The following KATNAL2 variants were observed in gnomAD, a reference collection of about 807,000 sequenced individuals.
KATNAL2 encodes the protein katanin catalytic subunit A1 like 2, also known as katanin p60 ATPase-containing subunit A-like 2.
In KATNAL2, 52 loss-of-function variants were observed where a neutral mutation model predicts 76.3. That is an observed-to-expected ratio of 0.68 (90% CI 0.55 to 0.86). KATNAL2 has a LOEUF of 0.86. KATNAL2 is among the 40% of genes least tolerant of loss of function. KATNAL2 has a pLI of 0.00. For missense variants in KATNAL2, 660 were observed against 668.9 expected, an observed-to-expected ratio of 0.99 and a Z score of 0.15; for synonymous variants, 243 against 244.2, an observed-to-expected ratio of 1.00 and a Z score of 0.05.
At chr18:46,934,173 T>C (rs1048378346) in intron 1 of KATNAL2, among the ~76,000 whole-genome samples, 17 of 152,174 alleles carry the variant, frequency 1.1e-4, no homozygotes, top group African/African-American at 1.7e-4. Flanking sequence ...AGTAATGGGA[T>C]GGCTGGGTCA....
chr18:47,049,789 A>T (rs1324803060), intron 4 of KATNAL2, among the ~76,000 whole-genome samples: 1 of 152,174 alleles, frequency 6.6e-6, no homozygotes, highest in Non-Finnish European at 1.5e-5. Context: ...ATCATGGCTC[A>T]CTGCAGCCTC....
At chr18:46,919,943 G>T in intron 1 of KATNAL2, 3 of 596,156 alleles carry the variant, frequency 5.0e-6, no homozygotes, top group Non-Finnish European at 8.3e-6. Context: ...AGTTTTCGGG[G>T]AATAGACGAA....
At chr18:47,039,106 T>G (rs1025906677) in intron 3 of KATNAL2, among the ~76,000 whole-genome samples, 2 of 152,216 alleles carry the variant, frequency 1.3e-5, no homozygotes, top group African/African-American at 4.8e-5. Flanking sequence ...AAATATTGCA[T>G]ATAATGATTT....
chr18:47,054,458 T>C lies in KATNAL2; in HGVS notation c.332+20T>C. The C allele has an allele frequency of 6.2e-7, 1 of 1,611,236 alleles. No homozygotes were observed. Among genetic ancestry groups the C allele is most frequent in the Non-Finnish European group, 8.5e-7 (1 of 1,177,430 alleles). Reference sequence around the variant, plus strand: ...CAGAAGGTAAAGTGAATGGTAATTCTTCTTAATCGACTCGGCTCGAGGAGC... The same window carrying C: ...CAGAAGGTAAAGTGAATGGTAATTCCTCTTAATCGACTCGGCTCGAGGAGC... On this transcript the variant is annotated intron_variant, in intron 6 of 17. Coordinates refer to ENST00000683218, the MANE Select transcript of KATNAL2 (RefSeq NM_001387690.1).
In KATNAL2 at chr18:46,946,040, CTT is replaced by C. The variant is rs879867108; in HGVS notation, c.-509-6_-509-5del. On this transcript the variant is annotated splice_polypyrimidine_tract_variant and intron_variant, in intron 1 of 17. Transcript: ENST00000683218. ...TGATTCAGTTCAACACTTACGAGAA[CTT>C]TTTTTTTTTTGTAGATTGAGGAAAC... The C allele has an allele frequency of 3.5e-4, 80 of 230,080 alleles. No homozygotes were observed. Among genetic ancestry groups the C allele is most frequent in the Non-Finnish European group, 5.2e-4 (74 of 143,160 alleles). The allele number at this position is 230,080 out of a possible 1,614,324, so 14.3% of individuals were successfully genotyped here. A position where few individuals can be genotyped will look rare whatever the true frequency, so the allele number is the denominator to read the frequency against.
intron 15 of KATNAL2, among the ~76,000 whole-genome samples, chr18:47,097,117 T>TG (rs1191497421): frequency 1.4e-3 from 120 of 88,436 alleles, no homozygotes; most frequent in South Asian, 4.2e-3. Flanking sequence ...AGACCCTGGC[T>TG]CAAAAAAAAA....
At chr18:46,949,486 A>T (rs2059485701) in intron 3 of KATNAL2, among the ~76,000 whole-genome samples, 1 of 152,186 alleles carries the variant, frequency 6.6e-6, no homozygotes, top group Admixed American at 6.5e-5. Context: ...GGCTCAAGTG[A>T]TCAGCCTGCC....
At chr18:47,042,210 T>A (rs1331160767) in intron 3 of KATNAL2, among the ~76,000 whole-genome samples, 1 of 152,230 alleles carries the variant, frequency 6.6e-6, no homozygotes, top group East Asian at 1.9e-4. Context: ...AATCTCTTTT[T>A]CTTTTGAACT....
chr18:46,922,974 A>C (rs901748890), intron 1 of KATNAL2, among the ~76,000 whole-genome samples: 1 of 148,560 alleles, frequency 6.7e-6, no homozygotes, highest in African/African-American at 2.4e-5. Context: ...GATCTGAAGT[A>C]AACACTTCAG....
chr18:46,947,124 C>T (rs1599405777), intron 3 of KATNAL2, among the ~76,000 whole-genome samples: 1 of 152,138 alleles, frequency 6.6e-6, no homozygotes, highest in East Asian at 1.9e-4. Flanking sequence ...AAATGAGACA[C>T]AGGCGGGTTT....
At chr18:47,080,106 C>T (rs1049320064) in intron 15 of KATNAL2, among the ~76,000 whole-genome samples, 3 of 152,180 alleles carry the variant, frequency 2.0e-5, no homozygotes, top group Admixed American at 2.0e-4. Context: ...TTCCCTCTTC[C>T]AGTAAGGTTA....
chr18:47,094,362 G>C lies in KATNAL2; in HGVS notation c.1212-4881G>C, dbSNP rs115642621. On this transcript the variant is annotated intron_variant, in intron 15 of 17. Transcript: ENST00000683218. ...CAAAATGGACTAAGACACTCTTCTT[G>C]TTTCATGGCAATATTTTCTTACATC... Among the ~76,000 whole-genome samples the C allele has an allele frequency of 6.8e-3, 1,035 of 152,238 alleles. 10 individuals carry two copies. Among genetic ancestry groups the C allele is most frequent in the East Asian group, 0.026 (133 of 5,186 alleles).
intron 1 of KATNAL2, among the ~76,000 whole-genome samples, chr18:46,922,791 C>G (rs1055985959): frequency 2.0e-5 from 3 of 151,278 alleles, no homozygotes; most frequent in Admixed American, 2.0e-4. Flanking sequence ...AAGTGAAACT[C>G]CATCTCAAAA....
intron 15 of KATNAL2, among the ~76,000 whole-genome samples, chr18:47,080,308 T>G (rs2062446832): frequency 6.6e-6 from 1 of 152,170 alleles, no homozygotes; most frequent in South Asian, 2.1e-4. Context: ...CCCCTAAAAT[T>G]TTATTGAGAT....
rs2059664264 is a variant in KATNAL2, at chr18:46,954,466, G to T, written c.51+7543G>T. Among the ~76,000 whole-genome samples, 2 of 151,386 alleles carry T rather than the reference G, an allele frequency of 1.3e-5. 1 individual carries two copies. The highest frequency in any genetic ancestry group is 4.9e-5 in the African/African-American group (2 of 41,156). ...CTGTCTCAGTCTCCTGAGTAGCTGG[G>T]ACTACAGGTGTGTGCCACCATGCCA... On this transcript the variant is annotated intron_variant, in intron 3 of 17. Coordinates refer to ENST00000683218, the MANE Select transcript of KATNAL2 (RefSeq NM_001387690.1).
intron 15 of KATNAL2, chr18:47,098,989 A>T: frequency 5.8e-6 from 2 of 344,190 alleles, no homozygotes; most frequent in Non-Finnish European, 1.1e-5. Flanking sequence ...TCTTCCATTC[A>T]TCCTTCCTTC....
intron 3 of KATNAL2, among the ~76,000 whole-genome samples, chr18:46,955,635 C>A (rs569990125): frequency 6.6e-6 from 1 of 152,146 alleles, no homozygotes; most frequent in South Asian, 2.1e-4. Flanking sequence ...TCAAGGCTCA[C>A]TGCAGCCTTG....
intron 3 of KATNAL2, among the ~76,000 whole-genome samples, chr18:47,035,814 A>G (rs2060749416): frequency 6.6e-6 from 1 of 152,212 alleles, no homozygotes; most frequent in African/African-American, 2.4e-5. Flanking sequence ...TCCAAAAAAC[A>G]CAGACTGAAT....
chr18:46,919,007 A>ATATATGTG (rs550181494), intron 1 of KATNAL2, among the ~76,000 whole-genome samples: 1 of 143,218 alleles, frequency 7.0e-6, no homozygotes. Context: ...ATATATATAT[A>ATATATGTG]TGTGTGTGTG....
Sources: allele counts gnomAD v4.1 joint callset (sites outside exome capture counted in the v4.1 genomes callset), GRCh38; gene constraint gnomAD v4.1.1; transcripts MANE v1.5; gene names NCBI Gene and HGNC (gene_info 2026-07-23, HGNC 2026-07-21).